The following RPTOR variants were observed in gnomAD, a reference collection of about 807,000 sequenced individuals.
RPTOR encodes the protein regulatory-associated protein of mTOR.
In RPTOR, 21 loss-of-function variants were observed where a neutral mutation model predicts 169.9. The observed-to-expected ratio is 0.12, with a 90% confidence interval of 0.09 to 0.18. RPTOR has a LOEUF of 0.18. Among genes scored for constraint, RPTOR ranks in the 10% least tolerant of loss-of-function variants. The pLI is 1.00. For missense variants in RPTOR, 1,133 were observed against 1,855.9 expected (o/e 0.61, Z 7.16); for synonymous variants, 732 against 753.2 (o/e 0.97, Z 0.46).
At chr17:80,762,017 A>G (rs891941624) in intron 6 of RPTOR, among the ~76,000 whole-genome samples, 1 of 152,198 alleles carries the variant, frequency 6.6e-6, no homozygotes, top group Non-Finnish European at 1.5e-5. Context: ...GATCTCACAC[A>G]GTCCCCGCGG....
At chr17:80,579,853 T>A (rs2064999843) in intron 1 of RPTOR, among the ~76,000 whole-genome samples, 1 of 152,212 alleles carries the variant, frequency 6.6e-6, no homozygotes, top group African/African-American at 2.4e-5. Context: ...GAGATGAACT[T>A]CTCCTCCTCT....
At chr17:80,837,185 C>T (rs1290302880) in intron 9 of RPTOR, among the ~76,000 whole-genome samples, 2 of 152,016 alleles carry the variant, frequency 1.3e-5, no homozygotes, top group Non-Finnish European at 2.9e-5. Context: ...CAAGGGGTCT[C>T]GACAGGGGAA....
chr17:80,559,230 G>T (rs894789033), intron 1 of RPTOR, among the ~76,000 whole-genome samples: 3 of 152,272 alleles, frequency 2.0e-5, no homozygotes, highest in Admixed American at 6.5e-5. Flanking sequence ...GGGCATTTTG[G>T]GTAATGATGC....
chr17:80,823,374 CCA>C lies in RPTOR; in HGVS notation c.1136+152_1136+153del. The C allele has an allele frequency of 1.2e-6, 1 of 830,672 alleles. No individual in the cohort carries two copies. Among genetic ancestry groups the C allele is most frequent in the South Asian group, 2.5e-5 (1 of 40,372 alleles). The allele number at this position is 830,672 out of a possible 1,614,324, so 51.5% of individuals were successfully genotyped here. A position where few individuals can be genotyped will look rare whatever the true frequency, so the allele number is the denominator to read the frequency against. Reference sequence around the variant, plus strand: ...ACAAGTGAAGCTAAATGCAGGGCTCCCAGAGATCTCCACACAGAGGAGTGGGG... The same window carrying C: ...ACAAGTGAAGCTAAATGCAGGGCTCCGAGATCTCCACACAGAGGAGTGGGG... On this transcript the variant is annotated intron_variant, in intron 9 of 33. Transcript: ENST00000306801. The surrounding 1 kb of genome is among the most constrained non-coding windows in gnomAD (Gnocchi z 4.5).
intron 27 of RPTOR, among the ~76,000 whole-genome samples, chr17:80,948,949 T>C (rs1036636377): frequency 2.0e-5 from 3 of 152,130 alleles, no homozygotes; most frequent in African/African-American, 7.2e-5. Flanking sequence ...AAGTCAAGGC[T>C]ACTCTCTCTG....
In RPTOR at chr17:80,858,060, C is replaced by T; in HGVS notation, c.1509+160C>T. ...TCTGGGGTAAAGTGGGACGCGCCCG[C>T]CTCGGCAGCCACCTCTGGGTCGTGG... is the stretch of plus-strand genomic sequence containing the variant. On this transcript the variant is annotated intron_variant, in intron 13 of 33. Transcript: ENST00000306801. 7.8e-6 allele frequency: 5 copies of T among 637,782 alleles called. 1 individual carries two copies. Among genetic ancestry groups the T allele is most frequent in the South Asian group, 7.1e-5 (4 of 56,146 alleles). 39.5% of individuals were successfully genotyped at this position (637,782 alleles called of 1,614,324 possible). A position where few individuals can be genotyped will look rare whatever the true frequency, so the allele number is the denominator to read the frequency against.
At chr17:80,596,078 A>G (rs2065142538) in intron 1 of RPTOR, among the ~76,000 whole-genome samples, 1 of 152,350 alleles carries the variant, frequency 6.6e-6, no homozygotes, top group South Asian at 2.1e-4. Context: ...TATGTTGTGA[A>G]GAAATGCACG....
chr17:80,817,100 C>T (rs2067331799), intron 7 of RPTOR, among the ~76,000 whole-genome samples: 2 of 152,200 alleles, frequency 1.3e-5, no homozygotes, highest in Admixed American at 1.3e-4. Context: ...GGCCTGGGTC[C>T]ACCGAGCCGC....
At chr17:80,903,086 A>G (rs1043648516) in intron 20 of RPTOR, among the ~76,000 whole-genome samples, 3 of 152,216 alleles carry the variant, frequency 2.0e-5, no homozygotes, top group Non-Finnish European at 4.4e-5. Context: ...GAGTTACCAT[A>G]GAAATGGATC....
rs149926806 is a variant in RPTOR, at chr17:80,649,228, C to G, written c.348+5418C>G. Reference sequence around the variant, plus strand: ...CTCCAAAGCTATTCATGGAACAGCCCAAGGTGGACCGTTACTCGCTGTGAC... The same window carrying G: ...CTCCAAAGCTATTCATGGAACAGCCGAAGGTGGACCGTTACTCGCTGTGAC... On this transcript the variant is annotated intron_variant, in intron 3 of 33. Coordinates refer to ENST00000306801, the MANE Select transcript of RPTOR (RefSeq NM_020761.3). 6.6e-5 allele frequency among the ~76,000 whole-genome samples: 10 copies of G among 152,314 alleles called. No homozygotes were observed. In the East Asian group the frequency reaches 1.9e-3, roughly 29 times the overall value.
chr17:80,723,561 T>G (rs2066304877), intron 4 of RPTOR, among the ~76,000 whole-genome samples: 1 of 151,442 alleles, frequency 6.6e-6, no homozygotes, highest in South Asian at 2.1e-4. Flanking sequence ...TTCTAGCATT[T>G]TCTCTACCAC....
chr17:80,840,345 A>ACTCACCCCACGGCAGCTCACT (rs1567941830), intron 10 of RPTOR, among the ~76,000 whole-genome samples: 21 of 123,742 alleles, frequency 1.7e-4, no homozygotes, highest in African/African-American at 6.7e-4. Context: ...GGCAGCTCAC[A>ACTCACCCCACGGCAGCTCACT]CTCACCACAC....
chr17:80,679,697 T>C (rs1373625751), intron 3 of RPTOR, among the ~76,000 whole-genome samples: 1 of 152,262 alleles, frequency 6.6e-6, no homozygotes. Flanking sequence ...AGTTTATAGC[T>C]GTAAGGAGTT....
In RPTOR at chr17:80,545,782, G is replaced by A. The variant is rs2143185729; in HGVS notation, c.153G>A (p.Met51Ile). 6.2e-7 allele frequency: 1 copy of A among 1,609,624 alleles called. No individual in the cohort carries two copies. Among genetic ancestry groups the A allele is most frequent in the Non-Finnish European group, 8.5e-7 (1 of 1,177,786 alleles). ...AATCCTTAGCTCAGAGCTGGAGGAT[G>A]AAGGATCGGGTAAGTGGATTCTGAA... ...GSKSLAQSWR[M>I]KDRMKTVSVA... Residue 51 changes from methionine (M) to isoleucine (I), a missense_variant, in exon 1 of 34, where the codon ATG becomes ATA. Around this residue, in one of 9 missense-constraint regions of RPTOR, gnomAD observed 47 missense variants for 59.5 expected, o/e 0.79. Coordinates refer to ENST00000306801, the MANE Select transcript of RPTOR (RefSeq NM_020761.3).
chr17:80,594,275 G>A (rs1003755357), intron 1 of RPTOR, among the ~76,000 whole-genome samples: 1 of 152,102 alleles, frequency 6.6e-6, no homozygotes, highest in Non-Finnish European at 1.5e-5. Flanking sequence ...TGTATTTTGA[G>A]TAGAGATGGG....
rs780240640 is a variant in RPTOR, at chr17:80,883,843, C to T, written c.1713C>T (p.Pro571=). ...ICLEQLNDPH[P]LLRQWVAICL... is the part of the protein sequence containing the mutation. Reference sequence around the variant, plus strand: ...TGGAGCAGCTCAACGACCCGCACCCCTTGCTGCGCCAGTGGGTGGCCATCT... The same window carrying T: ...TGGAGCAGCTCAACGACCCGCACCCTTTGCTGCGCCAGTGGGTGGCCATCT... The change falls in exon 16 of 34, where the codon CCC becomes CCT. Residue 571 remains proline, a synonymous_variant. Transcript: ENST00000306801. 1 of 1,613,740 alleles carries T rather than the reference C, an allele frequency of 6.2e-7. No individual in the cohort carries two copies. Among genetic ancestry groups the T allele is most frequent in the Non-Finnish European group, 8.5e-7 (1 of 1,180,040 alleles).
At chr17:80,868,423 C>T (rs1279519409) in intron 13 of RPTOR, among the ~76,000 whole-genome samples, 6 of 152,130 alleles carry the variant, frequency 3.9e-5, no homozygotes, top group African/African-American at 1.4e-4. Context: ...CAAACTGCAC[C>T]CACAGTCATA....
intron 20 of RPTOR, among the ~76,000 whole-genome samples, chr17:80,905,942 C>T (rs1055701874): frequency 1.3e-5 from 2 of 152,208 alleles, no homozygotes; most frequent in African/African-American, 4.8e-5. Context: ...CCCTCACAGC[C>T]CCTTCACGGG....
intron 6 of RPTOR, among the ~76,000 whole-genome samples, chr17:80,763,539 G>T (rs2066755984): frequency 1.3e-5 from 2 of 152,228 alleles, no homozygotes; most frequent in African/African-American, 4.8e-5. Context: ...TGAATGAGAA[G>T]TGTGCTTAGA....
Sources: allele counts gnomAD v4.1 joint callset (sites outside exome capture counted in the v4.1 genomes callset), GRCh38; gene constraint gnomAD v4.1.1; regional missense constraint gnomAD v4.1.1; non-coding constraint Gnocchi (gnomAD v3.1); transcripts MANE v1.5; gene names NCBI Gene and HGNC (gene_info 2026-07-23, HGNC 2026-07-21).